NMBR: variants seen among roughly 807,000 people sequenced by gnomAD.
The protein encoded by NMBR is neuromedin B receptor, also known as neuromedin-B receptor.
NMBR carries 16 observed loss-of-function variants against 20.5 expected under a neutral mutation model. The observed-to-expected ratio is 0.78, with a 90% confidence interval of 0.53 to 1.19. NMBR has a LOEUF of 1.19. Ranked by LOEUF, NMBR falls within the 50% of genes most tolerant of loss-of-function variation. The pLI is 0.00. For synonymous variants in NMBR, 212 were observed against 196.6 expected (o/e 1.08, Z -0.65); for missense variants, 582 against 499.1 (o/e 1.17, Z -1.58).
chr6:142,135,995 C>A (rs981412464), intron 1 of NMBR, among the ~76,000 whole-genome samples: 2 of 152,080 alleles, frequency 1.3e-5, no homozygotes, highest in Non-Finnish European at 2.9e-5. Flanking sequence ...ATTTATAGTC[C>A]TTTGGGTATA....
At chr6:142,088,009 G>A (rs112915599) in intron 2 of NMBR, among the ~76,000 whole-genome samples, 2 of 151,838 alleles carry the variant, frequency 1.3e-5, no homozygotes, top group Non-Finnish European at 2.9e-5. Flanking sequence ...AATTTTAATT[G>A]TTTTTTTTAA....
chr6:142,134,606 T>A (rs761569315), intron 1 of NMBR: 8 of 668,788 alleles, frequency 1.2e-5, no homozygotes, highest in Non-Finnish European at 2.1e-5. Context: ...TGTAAAAGCA[T>A]CAATCAAGAA....
chr6:142,130,003 T>C (rs149462161), intron 1 of NMBR, among the ~76,000 whole-genome samples: 1 of 152,190 alleles, frequency 6.6e-6, no homozygotes, highest in East Asian at 1.9e-4. Flanking sequence ...GGGTTCTTTG[T>C]ATTTCTCAAC....
chr6:142,096,485 A>G (rs1057203679), intron 1 of NMBR, among the ~76,000 whole-genome samples: 2 of 152,072 alleles, frequency 1.3e-5, no homozygotes, highest in Admixed American at 1.3e-4. Flanking sequence ...AGTGGTTTTG[A>G]GTGAGTTTCT....
intron 3 of NMBR, 135 bp from the exon 4 acceptor site, chr6:142,076,184 T>A (rs1489003541): frequency 3.1e-6 from 2 of 648,848 alleles, no homozygotes; most frequent in African/African-American, 1.9e-5. Context: ...TTTATTTTCC[T>A]CACCAAAGTG....
intron 1 of NMBR, among the ~76,000 whole-genome samples, chr6:142,135,325 TAC>T (rs1778232934): frequency 6.6e-6 from 1 of 152,140 alleles, no homozygotes; most frequent in Non-Finnish European, 1.5e-5. Flanking sequence ...TGTGGAACTA[TAC>T]AGTTTTAAAT....
intron 1 of NMBR, among the ~76,000 whole-genome samples, chr6:142,096,729 T>C (rs1199791052): frequency 7.2e-5 from 11 of 152,170 alleles, no homozygotes; most frequent in Non-Finnish European, 5.9e-5. Flanking sequence ...GATATCCTTG[T>C]TGACTTTCTG....
intron 1 of NMBR, among the ~76,000 whole-genome samples, chr6:142,141,213 C>G (rs554573463): frequency 1.3e-5 from 2 of 152,010 alleles, no homozygotes; most frequent in East Asian, 3.9e-4. Context: ...ATCATACAGA[C>G]TATAGTCTCT....
At chr6:142,131,382 C>G (rs571551511) in intron 1 of NMBR, among the ~76,000 whole-genome samples, 3 of 152,178 alleles carry the variant, frequency 2.0e-5, no homozygotes, top group Non-Finnish European at 2.9e-5. Context: ...TTTCTCAAAT[C>G]TAGGTTCATT....
intron 2 of NMBR, among the ~76,000 whole-genome samples, chr6:142,080,824 A>T (rs117406254): frequency 6.6e-6 from 1 of 152,300 alleles, no homozygotes; most frequent in Non-Finnish European, 1.5e-5. Flanking sequence ...CTACAAAAAG[A>T]TCAAGCCTTC....
intron 1 of NMBR, among the ~76,000 whole-genome samples, chr6:142,137,306 T>C (rs1022151989): frequency 6.6e-6 from 1 of 152,186 alleles, no homozygotes; most frequent in African/African-American, 2.4e-5. Flanking sequence ...TGTCTGTTAT[T>C]GGTGTCTACG....
intron 1 of NMBR, among the ~76,000 whole-genome samples, chr6:142,099,837 A>G (rs991396460): frequency 1.3e-5 from 2 of 152,232 alleles, no homozygotes; most frequent in Non-Finnish European, 2.9e-5. Flanking sequence ...CAAGATATCA[A>G]AAATACACAA....
At chr6:142,096,893 T>C (rs1049877789) in intron 1 of NMBR, among the ~76,000 whole-genome samples, 3 of 151,534 alleles carry the variant, frequency 2.0e-5, no homozygotes, top group East Asian at 3.9e-4. Flanking sequence ...TAGTTAGCTC[T>C]TGTTGTTGAA....
intron 2 of NMBR, among the ~76,000 whole-genome samples, chr6:142,081,580 C>A (rs1777097355): frequency 6.6e-6 from 1 of 152,118 alleles, no homozygotes; most frequent in Non-Finnish European, 1.5e-5. Flanking sequence ...GTTGAAAATA[C>A]AGATTACTGA....
intron 1 of NMBR, among the ~76,000 whole-genome samples, chr6:142,136,457 C>T (rs1778255150): frequency 6.6e-6 from 1 of 152,116 alleles, no homozygotes; most frequent in African/African-American, 2.4e-5. Flanking sequence ...CCTGTTCACG[C>T]TGATGGTAGT....
rs562608653 is a variant in NMBR, at chr6:142,136,636, A to G, written c.-664+10408T>C. ...GGGTTTTTATGGTTTTAGGTCTAACATTTAAGTCTTTAAACCATCTTGAAT... is the reference window on the plus strand; with the variant it reads ...GGGTTTTTATGGTTTTAGGTCTAACGTTTAAGTCTTTAAACCATCTTGAAT... On this transcript the variant is annotated intron_variant, in intron 1 of 3. Coordinates refer to ENST00000258042, the MANE Select transcript of NMBR (RefSeq NM_002511.4). Among the ~76,000 whole-genome samples the G allele has an allele frequency of 3.3e-5, 5 of 152,296 alleles. No homozygotes were observed. In the South Asian group the frequency reaches 6.2e-4, roughly 19 times the overall value.
chr6:142,131,220 G>A (rs888611472), intron 1 of NMBR, among the ~76,000 whole-genome samples: 1 of 152,162 alleles, frequency 6.6e-6, no homozygotes, highest in Admixed American at 6.5e-5. Context: ...TTGGCATCCT[G>A]TAATGAAAGT....
At chr6:142,096,444 T>G (rs1777454109) in intron 1 of NMBR, among the ~76,000 whole-genome samples, 1 of 152,198 alleles carries the variant, frequency 6.6e-6, no homozygotes, top group Non-Finnish European at 1.5e-5. Flanking sequence ...TTGTTCAGTT[T>G]CCATGTAGTT....
chr6:142,106,635 C>T (rs565013025), intron 1 of NMBR, among the ~76,000 whole-genome samples: 52 of 152,288 alleles, frequency 3.4e-4, no homozygotes, highest in African/African-American at 1.2e-3. Context: ...ATCAATCTTC[C>T]AATTACTTGT....
Sources: allele counts gnomAD v4.1 joint callset (sites outside exome capture counted in the v4.1 genomes callset), GRCh38; gene constraint gnomAD v4.1.1; transcripts MANE v1.5; gene names NCBI Gene and HGNC (gene_info 2026-07-23, HGNC 2026-07-21).